The following ANGPT2 variants were observed in gnomAD, a reference collection of about 807,000 sequenced individuals.
ANGPT2 encodes the protein angiopoietin-2.
ANGPT2 carries 28 observed loss-of-function variants against 62.9 expected under a neutral mutation model. The ratio of observed to expected loss-of-function variants is 0.44; its 90% CI spans 0.33 to 0.61. The LOEUF (loss-of-function observed/expected upper bound fraction) is 0.61, where lower values mean the gene tolerates loss of function less well. ANGPT2 is among the 20% of genes least tolerant of loss of function. ANGPT2 has a pLI of 0.03. For synonymous variants in ANGPT2, 284 were observed against 207.8 expected (o/e 1.37, Z -3.15); for missense variants, 727 against 594.9 (o/e 1.22, Z -2.31).
chr8:6,556,403 C>T (rs957118450), intron 1 of ANGPT2, among the ~76,000 whole-genome samples: 2 of 152,084 alleles, frequency 1.3e-5, no homozygotes, highest in African/African-American at 4.8e-5. Flanking sequence ...AATTGATTTT[C>T]CTTTTATAAA....
At chr8:6,510,126 G>T (rs578229304) in intron 7 of ANGPT2, among the ~76,000 whole-genome samples, 280 of 151,900 alleles carry the variant, frequency 1.8e-3, no homozygotes, top group Admixed American at 3.4e-3. Context: ...TATAAGGGAA[G>T]GGAGAAGACA....
Position 6,514,748 on chromosome 8 carries a change from C to T in ANGPT2, c.958G>A (p.Gly320Arg), listed in dbSNP as rs745368410. Residue 320 changes from glycine to arginine, a missense_variant, in exon 6 of 9, where the codon GGG (glycine) becomes AGG (arginine). Transcript: ENST00000629816. The stretch of plus-strand genomic sequence containing the variant: ...TCACGTCGCTGAATAATTGTCCACC[C>T]GCCTCCTCCAGCTTCCATGTCACAG... The part of the protein sequence containing the change: ...AYCDMEAGGG[G>R]WTIIQRREDG... The T allele has an allele frequency of 5.6e-6, 9 of 1,613,880 alleles. No individual in the cohort carries two copies. The highest frequency in any genetic ancestry group is 1.6e-4 in the Middle Eastern group (1 of 6,084).
rs1294386428 is a variant in ANGPT2 at position 6,499,708 on chromosome 8, G to C, written c.*3393C>G. 1.4e-6 allele frequency: 1 copy of C among 698,960 alleles called. No individual in the cohort carries two copies. The highest frequency in any genetic ancestry group is 2.2e-5 in the Admixed American group (1 of 45,622). The allele number at this position is 698,960 out of a possible 1,614,324, so 43.3% of individuals were successfully genotyped here. On this transcript the variant is annotated 3_prime_UTR_variant, in exon 9 of 9. Transcript: ENST00000629816. ...AACATTTATGCAACATGAAGATTCT[G>C]AAGGGACTTTGTTGTCTGAGAACAC...
At chr8:6,542,215 T>C (rs1821722091) in intron 1 of ANGPT2, among the ~76,000 whole-genome samples, 3 of 152,206 alleles carry the variant, frequency 2.0e-5, no homozygotes, top group South Asian at 4.1e-4. Flanking sequence ...TCAGTGTTTT[T>C]CTATGCCAAA....
At chr8:6,542,322 G>A (rs1273198974) in intron 1 of ANGPT2, among the ~76,000 whole-genome samples, 1 of 152,062 alleles carries the variant, frequency 6.6e-6, no homozygotes, top group Non-Finnish European at 1.5e-5. Flanking sequence ...ATCTGTGTGT[G>A]TGTGTATGTA....
At position 6,506,536 on chromosome 8, in the gene ANGPT2, C is replaced by T. The variant is rs142334534; in HGVS notation, c.1327+2396G>A. On this transcript the variant is annotated intron_variant, in intron 8 of 8. Coordinates refer to ENST00000629816, the MANE Select transcript of ANGPT2 (RefSeq NM_001118887.2). ...AAGCACACCCTTCTCAAGGAGAGAG[C>T]TGGGTCCAGCATGTGGGGAAATGGT... Among the ~76,000 whole-genome samples the T allele has an allele frequency of 2.0e-3, 305 of 152,308 alleles. 1 individual carries two copies. Among genetic ancestry groups the T allele is most frequent in the African/African-American group, 7.2e-3 (298 of 41,568 alleles).
In ANGPT2 at chr8:6,521,282, T is replaced by C; in HGVS notation, c.695A>G (p.Lys232Arg). ...KQNSIIEELE[K>R]KIVTATVNNS... is the part of the protein sequence containing the mutation. ...ATTCACCGTGGCAGTCACTATTTTTTTTTCTAGTTCTTCAATGATGGAATT... is the reference window on the plus strand; with the variant it reads ...ATTCACCGTGGCAGTCACTATTTTTCTTTCTAGTTCTTCAATGATGGAATT... The change falls in exon 4 of 9, where the codon AAA (lysine) becomes AGA (arginine). Residue 232 changes from lysine (K) to arginine (R), a missense_variant. Lys to Arg is a conservative substitution (Grantham distance 26, BLOSUM62 2). Coordinates refer to ENST00000629816, the MANE Select transcript of ANGPT2 (RefSeq NM_001118887.2). 1 of 1,613,918 alleles carries C rather than the reference T, an allele frequency of 6.2e-7. No individual in the cohort carries two copies. Among genetic ancestry groups the C allele is most frequent in the South Asian group, 1.1e-5 (1 of 91,076 alleles).
chr8:6,562,234 C>A (rs901719160), intron 1 of ANGPT2, among the ~76,000 whole-genome samples: 1 of 152,174 alleles, frequency 6.6e-6, no homozygotes, highest in Non-Finnish European at 1.5e-5. Flanking sequence ...CTCTGGCTCA[C>A]GGGCTGCTGC....
chr8:6,541,328 C>G (rs1310607814), intron 1 of ANGPT2, among the ~76,000 whole-genome samples: 1 of 152,140 alleles, frequency 6.6e-6, no homozygotes, highest in East Asian at 1.9e-4. Flanking sequence ...TGGGCAGTGG[C>G]TAAAGACAGG....
At chr8:6,547,824 G>A (rs905300046) in intron 1 of ANGPT2, among the ~76,000 whole-genome samples, 16 of 152,068 alleles carry the variant, frequency 1.1e-4, no homozygotes, top group Non-Finnish European at 1.6e-4. Context: ...GAAGGGAGCC[G>A]TGGCAGAGGT....
chr8:6,533,914 G>A (rs986540683), intron 1 of ANGPT2, among the ~76,000 whole-genome samples: 1 of 152,106 alleles, frequency 6.6e-6, no homozygotes, highest in Non-Finnish European at 1.5e-5. Context: ...GAGCTTCTTT[G>A]TTGATGCATT....
chr8:6,503,218 C>G lies in ANGPT2; in HGVS notation c.1371G>C (p.Met457Ile). The change falls in exon 9 of 9, where the codon ATG (methionine) becomes ATC (isoleucine). Residue 457 changes from methionine to isoleucine, a missense_variant. Coordinates refer to ENST00000629816, the MANE Select transcript of ANGPT2 (RefSeq NM_001118887.2). ...TTGTGTTCTGCCTCTGTGGATAGTA[C>G]ATTCCGTTCAAGTTGGAAGGACCAC... Reference protein sequence around the residue: ...DACGPSNLNGMYYPQRQNTNK... With the variant: ...DACGPSNLNGIYYPQRQNTNK... 6.2e-7 allele frequency: 1 copy of G among 1,614,100 alleles called. No individual in the cohort carries two copies. Among genetic ancestry groups the G allele is most frequent in the Non-Finnish European group, 8.5e-7 (1 of 1,180,012 alleles).
chr8:6,522,440 G>C (rs1275577378), intron 3 of ANGPT2, among the ~76,000 whole-genome samples: 1 of 151,892 alleles, frequency 6.6e-6, no homozygotes, highest in African/African-American at 2.4e-5. Flanking sequence ...CGTTAATATA[G>C]ACATTATTAT....
chr8:6,508,879 C>G (rs1351467718), intron 8 of ANGPT2, 53 bp downstream of exon 8: 2 of 1,612,818 alleles, frequency 1.2e-6, no homozygotes, highest in Admixed American at 1.7e-5. Context: ...GCCTTTCCCT[C>G]TATGAAATCA....
intron 1 of ANGPT2, among the ~76,000 whole-genome samples, chr8:6,540,461 A>G (rs1224744524): frequency 6.6e-6 from 1 of 152,178 alleles, no homozygotes; most frequent in Non-Finnish European, 1.5e-5. Context: ...AGTGTCTTTT[A>G]GAGGTCTTGT....
intron 1 of ANGPT2, among the ~76,000 whole-genome samples, chr8:6,557,713 A>ACT (rs1409706654): frequency 6.6e-5 from 10 of 150,912 alleles, no homozygotes; most frequent in Non-Finnish European, 8.8e-5. Context: ...ACACACACAC[A>ACT]CATACATATA....
At chr8:6,538,564 C>A (rs559386024) in intron 1 of ANGPT2, among the ~76,000 whole-genome samples, 8 of 152,306 alleles carry the variant, frequency 5.3e-5, no homozygotes, top group Admixed American at 2.6e-4. Context: ...CTTGGCTGTC[C>A]CAGCTGCCCA....
At chr8:6,529,752 A>G (rs920422140) in intron 2 of ANGPT2, among the ~76,000 whole-genome samples, 6 of 151,678 alleles carry the variant, frequency 4.0e-5, no homozygotes, top group Non-Finnish European at 8.8e-5. Flanking sequence ...GATCTGAGCA[A>G]GCGTGCTCAG....
rs139044099 is a variant in ANGPT2, at chr8:6,522,720, G to A, written c.567-1310C>T. The stretch of plus-strand genomic sequence containing the variant: ...ACCCGGGAGGTGGAGGTTGCAGTGA[G>A]CTGAGATTATGCCATTGCACTCCAG... On this transcript the variant is annotated intron_variant, in intron 3 of 8. Transcript: ENST00000629816. Among the ~76,000 whole-genome samples, 951 of 151,610 alleles carry A rather than the reference G, an allele frequency of 6.3e-3. 10 individuals are homozygous for A. Among genetic ancestry groups the A allele is most frequent in the African/African-American group, 0.023 (931 of 41,316 alleles).
Sources: allele counts gnomAD v4.1 joint callset (sites outside exome capture counted in the v4.1 genomes callset), GRCh38; gene constraint gnomAD v4.1.1; transcripts MANE v1.5; gene names NCBI Gene and HGNC (gene_info 2026-07-23, HGNC 2026-07-21).